The following CDH18 variants were observed in gnomAD, a reference collection of about 807,000 sequenced individuals.
The protein encoded by CDH18 is cadherin-18.
A neutral mutation model predicts 67.9 loss-of-function variants in CDH18; 31 were observed. The observed-to-expected ratio is 0.46, with a 90% CI of 0.34 to 0.62. The LOEUF (loss-of-function observed/expected upper bound fraction) is 0.62, where lower values mean the gene tolerates loss of function less well. Ranked by LOEUF, CDH18 falls within the 20% of genes least tolerant of loss-of-function variation. The pLI is 0.01. For synonymous variants in CDH18, 362 were observed against 347.2 expected, an observed-to-expected ratio of 1.04 and a Z score of -0.48; for missense variants, 890 against 975.5, an observed-to-expected ratio of 0.91 and a Z score of 1.17.
chr5:20,060,674 A>G (rs1742390992), intron 2 of CDH18, among the ~76,000 whole-genome samples: 1 of 152,184 alleles, frequency 6.6e-6, no homozygotes, highest in South Asian at 2.1e-4. Flanking sequence ...AAAAAATATT[A>G]TAATGTTATA....
At chr5:19,603,713 A>C (rs1580443485) in intron 6 of CDH18, among the ~76,000 whole-genome samples, 1 of 150,948 alleles carries the variant, frequency 6.6e-6, no homozygotes. Context: ...TTTTGCTTGG[A>C]TTTTCAGTGT....
chr5:20,047,422 G>A (rs1313112060), intron 2 of CDH18, among the ~76,000 whole-genome samples: 1 of 151,854 alleles, frequency 6.6e-6, no homozygotes, highest in Non-Finnish European at 1.5e-5. Flanking sequence ...AAATGAAAGA[G>A]CAGAAAACAC....
At chr5:20,543,511 A>AT (rs1561113849) in intron 1 of CDH18, among the ~76,000 whole-genome samples, 1 of 152,186 alleles carries the variant, frequency 6.6e-6, no homozygotes, top group East Asian at 1.9e-4. Flanking sequence ...GATTTGGAAT[A>AT]TTTTTATGCC....
At chr5:19,982,736 G>T (rs1415166893) in intron 1 of CDH18, among the ~76,000 whole-genome samples, 41 of 152,148 alleles carry the variant, frequency 2.7e-4, no homozygotes, top group Non-Finnish European at 2.9e-5. Flanking sequence ...ATTGGTTTCA[G>T]AAATTCTTTT....
Position 19,800,365 on chromosome 5 carries a change from GA to G in CDH18, c.228+38393del, listed in dbSNP as rs200749250. On this transcript the variant is annotated intron_variant, in intron 3 of 12. Transcript: ENST00000382275. ...CTGCCAACAATTGTGCCTATTCTTG[GA>G]AAAAAAATGTATGTAATTTTTTTAA... Among the ~76,000 whole-genome samples the G allele has an allele frequency of 8.0e-3, 1,222 of 151,860 alleles. 19 individuals carry two copies. Among genetic ancestry groups the G allele is most frequent in the African/African-American group, 0.028 (1,142 of 41,406 alleles).
chr5:20,205,176 A>T (rs893469754), intron 2 of CDH18, among the ~76,000 whole-genome samples: 1 of 151,994 alleles, frequency 6.6e-6, no homozygotes, highest in Admixed American at 6.6e-5. Flanking sequence ...TACTGAAGGT[A>T]AGAGTGTTAA....
intron 7 of CDH18, among the ~76,000 whole-genome samples, chr5:19,573,319 C>T (rs1741762435): frequency 1.3e-5 from 2 of 151,480 alleles, no homozygotes; most frequent in Admixed American, 6.6e-5. Context: ...CTCTCTGTCA[C>T]CCAGGCTGGA....
chr5:19,733,662 A>T (rs1767913722), intron 4 of CDH18, among the ~76,000 whole-genome samples: 2 of 152,162 alleles, frequency 1.3e-5, no homozygotes, highest in Non-Finnish European at 2.9e-5. Flanking sequence ...TGACAGAAGC[A>T]GCAGCAGGTC....
At chr5:19,560,565 G>C (rs1425064640) in intron 8 of CDH18, among the ~76,000 whole-genome samples, 2 of 152,066 alleles carry the variant, frequency 1.3e-5, no homozygotes, top group Non-Finnish European at 2.9e-5. Context: ...ATTTCTAGAA[G>C]ATAACATTGG....
intron 1 of CDH18, among the ~76,000 whole-genome samples, chr5:20,398,672 C>T (rs1286520870): frequency 6.6e-6 from 1 of 151,836 alleles, no homozygotes; most frequent in Non-Finnish European, 1.5e-5. Flanking sequence ...CACCACGGCA[C>T]ACATATACCT....
intron 2 of CDH18, among the ~76,000 whole-genome samples, chr5:20,186,539 A>G (rs906171397): frequency 2.0e-5 from 3 of 151,992 alleles, no homozygotes; most frequent in African/African-American, 7.2e-5. Flanking sequence ...AAAATGGCCA[A>G]TAAACACATG....
At chr5:20,485,526 ATGTGT>A (rs1364481127) in intron 1 of CDH18, among the ~76,000 whole-genome samples, 2 of 152,184 alleles carry the variant, frequency 1.3e-5, no homozygotes, top group East Asian at 3.8e-4. Flanking sequence ...AAGTGCTCAT[ATGTGT>A]ATATGGCTGT....
At chr5:19,716,713 C>T (rs187902130) in intron 5 of CDH18, among the ~76,000 whole-genome samples, 4 of 151,644 alleles carry the variant, frequency 2.6e-5, no homozygotes, top group African/African-American at 4.8e-5. Flanking sequence ...ATTAAAATAC[C>T]GAAATACATT....
chr5:19,820,187 T>C (rs1316648782), intron 3 of CDH18, among the ~76,000 whole-genome samples: 1 of 151,980 alleles, frequency 6.6e-6, no homozygotes, highest in East Asian at 1.9e-4. Context: ...GTCATCCCTC[T>C]CTCCACAAAA....
At chr5:20,387,612 G>A (rs2150109798) in intron 1 of CDH18, among the ~76,000 whole-genome samples, 1 of 152,108 alleles carries the variant, frequency 6.6e-6, no homozygotes, top group Non-Finnish European at 1.5e-5. Flanking sequence ...ATGTTGAATA[G>A]GAGTGGTGAG....
At chr5:19,617,141 A>T (rs966452731) in intron 5 of CDH18, among the ~76,000 whole-genome samples, 1 of 152,180 alleles carries the variant, frequency 6.6e-6, no homozygotes, top group Non-Finnish European at 1.5e-5. Flanking sequence ...TTAAAAAGGC[A>T]AAGTCCTGCC....
At chr5:20,059,656 A>G (rs1488804166) in intron 2 of CDH18, among the ~76,000 whole-genome samples, 1 of 152,346 alleles carries the variant, frequency 6.6e-6, no homozygotes, top group South Asian at 2.1e-4. Context: ...ATAAAGATAC[A>G]TGCACACGTA....
intron 10 of CDH18, among the ~76,000 whole-genome samples, chr5:19,516,377 G>A (rs1016689365): frequency 7.9e-5 from 12 of 152,162 alleles, no homozygotes; most frequent in Non-Finnish European, 4.4e-5. Flanking sequence ...ATGAGTTTGG[G>A]AGGATTCCCT....
chr5:19,905,631 AT>A (rs1178150404), intron 2 of CDH18, among the ~76,000 whole-genome samples: 3 of 151,892 alleles, frequency 2.0e-5, no homozygotes, highest in South Asian at 4.1e-4. Flanking sequence ...TGATAATATT[AT>A]TTTTTTACCT....
Sources: gnomAD v4.1 joint callset for allele counts (sites outside exome capture counted in the v4.1 genomes callset) on GRCh38, gnomAD v4.1.1 for gene constraint, MANE v1.5 for transcripts, NCBI Gene and HGNC (gene_info 2026-07-23, HGNC 2026-07-21) for gene names.